RABGAP1L: variants seen among roughly 807,000 people sequenced by gnomAD.
RABGAP1L encodes the protein RAB GTPase activating protein 1 like, also known as rab GTPase-activating protein 1-like.
Under a neutral mutation model 137.7 loss-of-function variants are expected in RABGAP1L, and 63 were observed. That is an observed-to-expected ratio of 0.46 (90% CI 0.37 to 0.56). RABGAP1L has a LOEUF of 0.56. Among genes scored for constraint, RABGAP1L ranks in the 20% least tolerant of loss-of-function variants. RABGAP1L has a pLI of 0.00. For synonymous variants in RABGAP1L, 431 were observed against 433.7 expected, an observed-to-expected ratio of 0.99 and a Z score of 0.08; for missense variants, 1,095 against 1,244.0, an observed-to-expected ratio of 0.88 and a Z score of 1.80.
chr1:174,732,262 A>C (rs74893972), intron 17 of RABGAP1L, among the ~76,000 whole-genome samples: 1 of 152,204 alleles, frequency 6.6e-6, no homozygotes, highest in East Asian at 1.9e-4. Flanking sequence ...TTAAGCCAAT[A>C]CCCCTTATTT....
intron 11 of RABGAP1L, among the ~76,000 whole-genome samples, chr1:174,310,757 C>A (rs2148793693): frequency 6.6e-6 from 1 of 152,016 alleles, no homozygotes; most frequent in East Asian, 1.9e-4. Flanking sequence ...TTATGGGGTA[C>A]ATGAGGTATT....
At chr1:174,436,813 A>G (rs956511921) in intron 13 of RABGAP1L, among the ~76,000 whole-genome samples, 5 of 151,994 alleles carry the variant, frequency 3.3e-5, no homozygotes, top group African/African-American at 7.2e-5. Context: ...TTGGGAGGCA[A>G]CCCCCCAGTA....
intron 13 of RABGAP1L, among the ~76,000 whole-genome samples, chr1:174,554,783 C>G (rs959024628): frequency 2.0e-5 from 3 of 152,038 alleles, no homozygotes. Flanking sequence ...ACAGATCATA[C>G]TTGTTTTAAA....
At chr1:174,282,643 TTTA>T (rs1675677722) in intron 10 of RABGAP1L, among the ~76,000 whole-genome samples, 1 of 152,158 alleles carries the variant, frequency 6.6e-6, no homozygotes, top group Non-Finnish European at 1.5e-5. Context: ...AATATTTTAT[TTTA>T]TTGTTTTTGC....
chr1:174,346,730 G>A (rs1225725073), intron 11 of RABGAP1L, among the ~76,000 whole-genome samples: 1 of 150,744 alleles, frequency 6.6e-6, no homozygotes, highest in South Asian at 2.1e-4. Flanking sequence ...TTTATTTCTG[G>A]TGTGATATTT....
At chr1:174,671,990 G>A (rs142509840) in intron 14 of RABGAP1L, among the ~76,000 whole-genome samples, 24 of 151,956 alleles carry the variant, frequency 1.6e-4, no homozygotes, top group African/African-American at 3.1e-4. Context: ...TGATTCAGTC[G>A]TCTCCTTACT....
At chr1:174,459,019 A>G (rs1282579326) in intron 13 of RABGAP1L, among the ~76,000 whole-genome samples, 1 of 152,176 alleles carries the variant, frequency 6.6e-6, no homozygotes, top group Non-Finnish European at 1.5e-5. Flanking sequence ...GACATTATTA[A>G]TAGGCTCTTG....
chr1:174,881,111 G>A (rs553865638), intron 19 of RABGAP1L, among the ~76,000 whole-genome samples: 1 of 152,182 alleles, frequency 6.6e-6, no homozygotes, highest in South Asian at 2.1e-4. Context: ...AAGAGACTGG[G>A]AGGGAGAAAA....
At chr1:174,168,979 A>T (rs1276284899) in intron 1 of RABGAP1L, among the ~76,000 whole-genome samples, 1 of 152,192 alleles carries the variant, frequency 6.6e-6, no homozygotes, top group African/African-American at 2.4e-5. Flanking sequence ...ACCATTCTGT[A>T]TGTCCATGTG....
intron 13 of RABGAP1L, among the ~76,000 whole-genome samples, chr1:174,498,771 A>G (rs983849190): frequency 4.0e-5 from 6 of 150,922 alleles, no homozygotes; most frequent in African/African-American, 1.2e-4. Flanking sequence ...TCGGCCTCCC[A>G]AAGTGCTAGG....
At position 174,729,638 on chromosome 1, in the gene RABGAP1L, C is replaced by A. The variant is rs545123626; in HGVS notation, c.2170-22675C>A. On this transcript the variant is annotated intron_variant, in intron 17 of 25. Coordinates refer to ENST00000681986, the MANE Select transcript of RABGAP1L (RefSeq NM_001366446.1). ...AGTTGAACAAGCAAAAAACAAATAA[C>A]CCCATTTAAAAAATGGACAAAGGAC... Among the ~76,000 whole-genome samples, 32 of 152,168 alleles carry A rather than the reference C, an allele frequency of 2.1e-4. No individual in the cohort carries two copies. In the East Asian group the frequency reaches 5.6e-3, roughly 27 times the overall value.
chr1:174,735,565 T>A (rs191591208), intron 17 of RABGAP1L, among the ~76,000 whole-genome samples: 2 of 118,764 alleles, frequency 1.7e-5, no homozygotes, highest in Admixed American at 2.5e-4. Context: ...TGAGCTGAGA[T>A]CACGCCATTG....
intron 13 of RABGAP1L, among the ~76,000 whole-genome samples, chr1:174,476,081 A>T (rs1335649736): frequency 6.6e-6 from 1 of 152,126 alleles, no homozygotes; most frequent in East Asian, 1.9e-4. Flanking sequence ...GAAAGGTGAG[A>T]GTTAATTCTT....
chr1:174,221,335 G>T (rs1669741464), intron 3 of RABGAP1L, among the ~76,000 whole-genome samples, 171 bp downstream of exon 3: 1 of 152,124 alleles, frequency 6.6e-6, no homozygotes, highest in Admixed American at 6.5e-5. Context: ...TAAAAATCAG[G>T]TCTTAATGTT....
At chr1:174,833,735 T>C (rs887736430) in intron 19 of RABGAP1L, among the ~76,000 whole-genome samples, 1 of 151,584 alleles carries the variant, frequency 6.6e-6, no homozygotes, top group Admixed American at 6.6e-5. Context: ...AATATTCCTA[T>C]CCTCCTGAAG....
chr1:174,585,937 T>C (rs942448247), intron 13 of RABGAP1L, among the ~76,000 whole-genome samples: 7 of 152,242 alleles, frequency 4.6e-5, no homozygotes, highest in Non-Finnish European at 1.0e-4. Context: ...TAAAATTCTC[T>C]ATTTTAACCA....
At chr1:174,161,440 C>T (rs1305836656) in intron 1 of RABGAP1L, among the ~76,000 whole-genome samples, 3 of 152,016 alleles carry the variant, frequency 2.0e-5, no homozygotes, top group Non-Finnish European at 2.9e-5. Flanking sequence ...CTGGGTTTCT[C>T]CATGTTGGTC....
chr1:174,615,495 G>T (rs1445271117), intron 13 of RABGAP1L, among the ~76,000 whole-genome samples: 1 of 152,230 alleles, frequency 6.6e-6, no homozygotes, highest in Admixed American at 6.5e-5. Context: ...ACTTGGGGGT[G>T]CCTCCCAGTT....
intron 12 of RABGAP1L, among the ~76,000 whole-genome samples, chr1:174,393,707 G>A (rs11586762): frequency 0.012 from 1,897 of 152,128 alleles, 15 homozygotes; most frequent in Non-Finnish European, 0.019. Context: ...TAACTAACAC[G>A]TTAATTATTA....
Sources: gnomAD v4.1 joint callset for allele counts (sites outside exome capture counted in the v4.1 genomes callset) on GRCh38, gnomAD v4.1.1 for gene constraint, MANE v1.5 for transcripts, NCBI Gene and HGNC (gene_info 2026-07-23, HGNC 2026-07-21) for gene names.